ADGRL3: variants seen among roughly 807,000 people sequenced by gnomAD.
ADGRL3 encodes the protein calcium-independent alpha-latrotoxin receptor 3.
In ADGRL3, 62 loss-of-function variants were observed where a neutral mutation model predicts 153.5. That is an observed-to-expected ratio of 0.40 (90% CI 0.33 to 0.50). ADGRL3 has a LOEUF of 0.50. Among genes scored for constraint, ADGRL3 ranks in the 20% least tolerant of loss-of-function variants. ADGRL3 has a pLI of 0.47. For missense variants in ADGRL3, 1,641 were observed against 1,859.4 expected, an observed-to-expected ratio of 0.88 and a Z score of 2.16; for synonymous variants, 710 against 672.5, an observed-to-expected ratio of 1.06 and a Z score of -0.86.
intron 1 of ADGRL3, among the ~76,000 whole-genome samples, chr4:61,368,073 T>C (rs1402149673): frequency 6.6e-6 from 1 of 151,794 alleles, no homozygotes; most frequent in African/African-American, 2.4e-5. Context: ...TCGCCCACTT[T>C]TTGATGGGGT....
At chr4:62,061,902 C>T (rs1460646116) in intron 25 of ADGRL3, among the ~76,000 whole-genome samples, 2 of 151,982 alleles carry the variant, frequency 1.3e-5, no homozygotes, top group Non-Finnish European at 2.9e-5. Context: ...GGAGCTACTA[C>T]AAATAAAGTT....
At chr4:61,782,019 A>G (rs2097219324) in intron 8 of ADGRL3, among the ~76,000 whole-genome samples, 1 of 152,172 alleles carries the variant, frequency 6.6e-6, no homozygotes, top group Non-Finnish European at 1.5e-5. Flanking sequence ...ATTACAGTGA[A>G]TGTGTAATGG....
chr4:62,040,572 A>G (rs993342107), intron 24 of ADGRL3, among the ~76,000 whole-genome samples: 1 of 152,078 alleles, frequency 6.6e-6, no homozygotes, highest in Non-Finnish European at 1.5e-5. Flanking sequence ...TTCTAAAATA[A>G]CTATCTCTAT....
chr4:61,736,571 T>A (rs1193797711), intron 8 of ADGRL3, among the ~76,000 whole-genome samples: 1 of 152,046 alleles, frequency 6.6e-6, no homozygotes, highest in Non-Finnish European at 1.5e-5. Flanking sequence ...GGCAGGAGAA[T>A]CCCTTGAACC....
intron 1 of ADGRL3, among the ~76,000 whole-genome samples, chr4:61,334,145 G>A (rs2095629886): frequency 6.6e-6 from 1 of 152,126 alleles, no homozygotes; most frequent in Non-Finnish European, 1.5e-5. Flanking sequence ...TCAAACTCCT[G>A]GCCTCAAGTT....
intron 3 of ADGRL3, among the ~76,000 whole-genome samples, chr4:61,507,570 C>T (rs2098438548): frequency 6.6e-6 from 1 of 152,142 alleles, no homozygotes; most frequent in Admixed American, 6.5e-5. Context: ...TATGGTTTGG[C>T]TCTGTGGCCC....
intron 8 of ADGRL3, among the ~76,000 whole-genome samples, chr4:61,769,174 C>A (rs1470759484): frequency 6.6e-6 from 1 of 152,072 alleles, no homozygotes; most frequent in African/African-American, 2.4e-5. Flanking sequence ...GGCGTCCCTG[C>A]AATGATTAAA....
chr4:61,478,951 T>C (rs2098099804), intron 2 of ADGRL3, among the ~76,000 whole-genome samples: 1 of 152,062 alleles, frequency 6.6e-6, no homozygotes, highest in East Asian at 1.9e-4. Context: ...AGAGTTTCTT[T>C]CTGTAATGTG....
At chr4:61,954,815 G>C (rs752497455) in intron 17 of ADGRL3, among the ~76,000 whole-genome samples, 1 of 152,056 alleles carries the variant, frequency 6.6e-6, no homozygotes, top group African/African-American at 2.4e-5. Context: ...GGCTTTCCTT[G>C]TTACCCTATT....
rs1458991662 is a variant in ADGRL3 at position 61,769,446 on chromosome 4, A to G, written c.1399+35892A>G. 4.6e-5 allele frequency among the ~76,000 whole-genome samples: 7 copies of G among 151,122 alleles called. No individual in the cohort carries two copies. In the South Asian group the frequency reaches 6.3e-4, roughly 14 times the overall value. On this transcript the variant is annotated intron_variant, in intron 8 of 26. Coordinates refer to ENST00000683033, the MANE Select transcript of ADGRL3 (RefSeq NM_001387552.1). ...TTGGGCTGGTCGGTCTGAAGACCTG[A>G]GGTCGTAGGTGGATCTTTCTCACGG... is the stretch of plus-strand genomic sequence containing the variant.
At chr4:61,317,473 T>A (rs914556729) in intron 1 of ADGRL3, among the ~76,000 whole-genome samples, 1 of 152,164 alleles carries the variant, frequency 6.6e-6, no homozygotes, top group Non-Finnish European at 1.5e-5. Context: ...ACTGCCAAGA[T>A]CCTTAAGGGT....
At chr4:62,054,486 G>A (rs1276484502) in intron 25 of ADGRL3, among the ~76,000 whole-genome samples, 1 of 151,604 alleles carries the variant, frequency 6.6e-6, no homozygotes, top group Non-Finnish European at 1.5e-5. Flanking sequence ...TCTAATGACA[G>A]TAGTTTTCTC....
Position 61,813,857 on chromosome 4 carries a change from T to C in ADGRL3, c.1448T>C (p.Leu483Pro), listed in dbSNP as rs2097658313. The change falls in exon 9 of 27, where the codon CTT (leucine) becomes CCT (proline). Residue 483 changes from leucine (L) to proline (P), a missense_variant. Coordinates refer to ENST00000683033, the MANE Select transcript of ADGRL3 (RefSeq NM_001387552.1). ...TCATACATTTCTCCGCCAATTCACC[T>C]TGACTCTGAGCTAGAAAGACCCTCT... ...QVSYISPPIH[L>P]DSELERPSVK... 3.2e-6 allele frequency: 5 copies of C among 1,581,084 alleles called. No homozygotes were observed. The South Asian group carries it at 5.5e-5, about 18-fold the overall frequency.
chr4:61,923,223 A>G (rs1344088658), intron 13 of ADGRL3, among the ~76,000 whole-genome samples: 1 of 152,188 alleles, frequency 6.6e-6, no homozygotes, highest in Non-Finnish European at 1.5e-5. Flanking sequence ...TTTTTGCAAA[A>G]CGACTTTGGC....
intron 1 of ADGRL3, among the ~76,000 whole-genome samples, chr4:61,261,134 G>C (rs1444234739): frequency 2.0e-5 from 3 of 151,328 alleles, no homozygotes; most frequent in Non-Finnish European, 4.4e-5. Context: ...GAGTAGCTGG[G>C]ACTACAAGCA....
intron 6 of ADGRL3, among the ~76,000 whole-genome samples, chr4:61,703,709 G>C (rs540685408): frequency 2.0e-5 from 3 of 152,192 alleles, no homozygotes; most frequent in Admixed American, 1.3e-4. Flanking sequence ...AGTGACAGAG[G>C]GGGGCAGATG....
intron 8 of ADGRL3, among the ~76,000 whole-genome samples, chr4:61,767,204 G>T: frequency 6.6e-6 from 1 of 152,018 alleles, no homozygotes; most frequent in Admixed American, 6.6e-5. Flanking sequence ...AAGAAGAGCA[G>T]CAATGAGATA....
intron 2 of ADGRL3, among the ~76,000 whole-genome samples, chr4:61,431,853 TA>T (rs2097359728): frequency 6.6e-6 from 1 of 152,348 alleles, no homozygotes; most frequent in South Asian, 2.1e-4. Flanking sequence ...CCTCTCTAAG[TA>T]ACCTTAGATA....
At chr4:61,344,438 T>G (rs1204359078) in intron 1 of ADGRL3, among the ~76,000 whole-genome samples, 1 of 152,206 alleles carries the variant, frequency 6.6e-6, no homozygotes, top group African/African-American at 2.4e-5. Context: ...AGACTAATTG[T>G]AATTCTGCAG....
Sources: gnomAD v4.1 joint callset for allele counts (sites outside exome capture counted in the v4.1 genomes callset) on GRCh38, gnomAD v4.1.1 for gene constraint, MANE v1.5 for transcripts, NCBI Gene and HGNC (gene_info 2026-07-23, HGNC 2026-07-21) for gene names.